Variants in GLYATL1 observed in about 807,000 individuals in gnomAD.
The protein encoded by GLYATL1 is glycine-N-acyltransferase like 1.
A neutral mutation model predicts 20.0 loss-of-function variants in GLYATL1; 15 were observed. That is an observed-to-expected ratio of 0.75 (90% CI 0.50 to 1.15). The LOEUF (loss-of-function observed/expected upper bound fraction) is 1.15, where lower values mean the gene tolerates loss of function less well. Among genes scored for constraint, GLYATL1 ranks in the 50% most tolerant of loss-of-function variants. The pLI is 0.00. For missense variants in GLYATL1, 380 were observed against 368.5 expected (o/e 1.03, Z -0.26); for synonymous variants, 151 against 131.5 (o/e 1.15, Z -1.01).
chr11:58,922,130 T>C (rs1270505301), intron 1 of GLYATL1, among the ~76,000 whole-genome samples: 1 of 152,222 alleles, frequency 6.6e-6, no homozygotes, highest in Non-Finnish European at 1.5e-5. Context: ...CTTCAAGAAA[T>C]TGGCCCTGTG....
At chr11:58,953,631 C>A (rs1400642724) in intron 4 of GLYATL1, among the ~76,000 whole-genome samples, 2 of 151,848 alleles carry the variant, frequency 1.3e-5, no homozygotes, top group African/African-American at 4.8e-5. Flanking sequence ...TTATATATTT[C>A]CTTGACTATT....
upstream of GLYATL1, among the ~76,000 whole-genome samples, chr11:58,923,849 T>G (rs1170263786): frequency 6.6e-6 from 1 of 152,240 alleles, no homozygotes; most frequent in Non-Finnish European, 1.5e-5. Context: ...GTCAGAGTTT[T>G]CTACATAGAT....
upstream of GLYATL1, chr11:58,934,691 C>CT: frequency 6.5e-6 from 1 of 153,110 alleles, no homozygotes; most frequent in Non-Finnish European, 1.5e-5. Context: ...GGCCTGGACC[C>CT]TGGGTCTGCT....
At chr11:58,947,812 C>T (rs565355) in intron 3 of GLYATL1, 46 bp from the exon 4 acceptor site, 466,262 of 1,265,944 alleles carry the variant, frequency 0.37, 88,689 homozygotes, top group Non-Finnish European at 0.39. Context: ...AGATCCTCAT[C>T]TCTGGGGATC....
intron 1 of GLYATL1, among the ~76,000 whole-genome samples, chr11:58,942,170 T>C (rs1284975516): frequency 1.3e-5 from 2 of 152,182 alleles, no homozygotes; most frequent in African/African-American, 2.4e-5. Flanking sequence ...GCAACAGATG[T>C]GTGTTGAAGC....
intron 4 of GLYATL1, among the ~76,000 whole-genome samples, chr11:58,949,915 T>A (rs1856843273): frequency 6.6e-6 from 1 of 151,306 alleles, no homozygotes; most frequent in South Asian, 2.1e-4. Context: ...AGTAAAAAAA[T>A]CCAACATGAT....
chr11:58,936,209 A>G (rs1821428694), upstream of GLYATL1, among the ~76,000 whole-genome samples: 1 of 152,242 alleles, frequency 6.6e-6, no homozygotes, highest in African/African-American at 2.4e-5. Flanking sequence ...AAGTTTCCAG[A>G]TCAAATATTT....
chr11:58,930,759 G>A (rs1180186914), intron 1 of GLYATL1, among the ~76,000 whole-genome samples: 3 of 152,198 alleles, frequency 2.0e-5, no homozygotes, highest in Non-Finnish European at 4.4e-5. Flanking sequence ...TAATGAGTAG[G>A]AAATCTCAAA....
chr11:58,939,449 G>A (rs1366433079), upstream of GLYATL1: 1 of 152,264 alleles, frequency 6.6e-6, no homozygotes, highest in Non-Finnish European at 1.5e-5. Flanking sequence ...TGGTGTTTCA[G>A]TAACAGCTTT....
chr11:58,913,197 T>A (rs1590766587), downstream of GLYATL1, among the ~76,000 whole-genome samples: 1 of 151,742 alleles, frequency 6.6e-6, no homozygotes, highest in Non-Finnish European at 1.5e-5. Flanking sequence ...GATGGGAAGA[T>A]GCTTGAAGGG....
upstream of GLYATL1, among the ~76,000 whole-genome samples, chr11:58,938,986 G>A (rs948786292): frequency 5.3e-5 from 8 of 152,292 alleles, no homozygotes; most frequent in East Asian, 9.6e-4. Context: ...ACTTGAGGCC[G>A]ACTGGAGCTA....
At chr11:58,947,268 G>T in intron 3 of GLYATL1, 103 bp downstream of exon 3, 2 of 1,456,568 alleles carry the variant, frequency 1.4e-6, no homozygotes, top group East Asian at 2.5e-5. Flanking sequence ...GCAGAGGGTT[G>T]GAGCTGGGAA....
chr11:58,951,854 T>A (rs544867168), intron 4 of GLYATL1, among the ~76,000 whole-genome samples: 1 of 152,276 alleles, frequency 6.6e-6, no homozygotes, highest in Admixed American at 6.5e-5. Context: ...TCCAAATATG[T>A]CCCACTGTTG....
chr11:58,955,882 T>C lies in GLYATL1; in HGVS notation c.764T>C (p.Leu255Pro), dbSNP rs1247727565. ...GTGATGGTGCGATACATGAAATATC[T>C]GCGTCAGAAGAATATTCCATTTTAC... ...ARVMVRYMKY[L>P]RQKNIPFYIS... Residue 255 changes from leucine to proline, a missense_variant, in exon 7 of 7, where the codon CTG (leucine) becomes CCG (proline). Leu to Pro is a moderately conservative substitution (Grantham distance 98, BLOSUM62 -3). Transcript: ENST00000532726. 1 of 1,614,200 alleles carries C rather than the reference T, an allele frequency of 6.2e-7. No homozygotes were observed. The highest frequency in any genetic ancestry group is 2.2e-5 in the East Asian group (1 of 44,888).
chr11:58,917,665 AG>A (rs1191471394), intron 1 of GLYATL1, among the ~76,000 whole-genome samples: 24 of 152,354 alleles, frequency 1.6e-4, no homozygotes, highest in African/African-American at 5.3e-4. Flanking sequence ...CTGCCTACTC[AG>A]GCATCTCATG....
chr11:58,906,098 G>C (rs1381798202), intron 1 of GLYATL1, among the ~76,000 whole-genome samples: 2 of 152,192 alleles, frequency 1.3e-5, no homozygotes, highest in South Asian at 2.1e-4. Flanking sequence ...GTCTGGTCAG[G>C]CTCGCCGGTT....
chr11:58,914,369 G>A (rs574250083), intron 1 of GLYATL1, among the ~76,000 whole-genome samples: 1 of 152,282 alleles, frequency 6.6e-6, no homozygotes, highest in African/African-American at 2.4e-5. Flanking sequence ...GGCTTTATTA[G>A]GGGCTTATGC....
chr11:58,945,660 A>G (rs779540795), intron 2 of GLYATL1, among the ~76,000 whole-genome samples: 2 of 152,192 alleles, frequency 1.3e-5, no homozygotes, highest in Non-Finnish European at 2.9e-5. Context: ...ACACATGGGT[A>G]TGGGCAATTT....
At chr11:58,943,876 C>T (rs567644281) in intron 2 of GLYATL1, among the ~76,000 whole-genome samples, 1 of 152,022 alleles carries the variant, frequency 6.6e-6, no homozygotes, top group Non-Finnish European at 1.5e-5. Context: ...TGGTAGTAAG[C>T]AGTAATGTTG....
Sources: allele counts gnomAD v4.1 joint callset (sites outside exome capture counted in the v4.1 genomes callset), GRCh38; gene constraint gnomAD v4.1.1; transcripts MANE v1.5; gene names NCBI Gene and HGNC (gene_info 2026-07-23, HGNC 2026-07-21).